SPG7: variants seen among roughly 807,000 people sequenced by gnomAD.
The protein encoded by SPG7 is SPG7 matrix AAA peptidase subunit, paraplegin.
Under a neutral mutation model 81.9 loss-of-function variants are expected in SPG7, and 103 were observed. The observed-to-expected ratio is 1.26, with a 90% CI of 1.07 to 1.48. The LOEUF is 1.48. Ranked by LOEUF, SPG7 falls within the 40% of genes most tolerant of loss-of-function variation. The pLI, the probability that SPG7 is intolerant of heterozygous loss-of-function variation, is 0.00. For synonymous variants in SPG7, 534 were observed against 444.2 expected (o/e 1.20, Z -2.54); for missense variants, 1,241 against 1,087.3 (o/e 1.14, Z -1.99).
chr16:89,556,121 G>T (rs939024615), intron 16 of SPG7: 2 of 398,746 alleles, frequency 5.0e-6, no homozygotes, highest in African/African-American at 2.1e-5. Flanking sequence ...TGGTGTGTCT[G>T]CCCCGTGTAT....
chr16:89,526,540 A>G (rs949031468), intron 5 of SPG7, 72 bp downstream of exon 5: 3 of 1,574,002 alleles, frequency 1.9e-6, no homozygotes, highest in African/African-American at 1.4e-5. Flanking sequence ...ACAGATTGCA[A>G]TCAAAAATCT....
In SPG7 at chr16:89,550,392, C is replaced by T. The variant is rs142634582; in HGVS notation, c.1664-102C>T. On this transcript the variant is annotated intron_variant, in intron 12 of 16. Coordinates refer to ENST00000645818, the MANE Select transcript of SPG7 (RefSeq NM_003119.4). ...TTCACCATATTGGTCGGGCTGGTCT[C>T]GAACTCCTGTCCTCAGGTCATCCGC... The T allele has an allele frequency of 6.3e-3, 5,164 of 818,016 alleles. 195 individuals carry two copies. In the Admixed American group the frequency reaches 0.072, roughly 11 times the overall value. The allele number at this position is 818,016 out of a possible 1,614,324, so 50.7% of individuals were successfully genotyped here. A position where few individuals can be genotyped will look rare whatever the true frequency, so the allele number is the denominator to read the frequency against.
intron 12 of SPG7, chr16:89,549,917 A>G (rs1369526392): frequency 1.1e-5 from 2 of 179,168 alleles, no homozygotes; most frequent in Non-Finnish European, 2.4e-5. Context: ...AGGAGGAGAC[A>G]CTCCTCAGAG....
rs376388546 is a variant in SPG7, at chr16:89,553,908, T to A, written c.2051T>A (p.Met684Lys). ...TTCCCTGAGGCGCAGGAGGGCCTCA[T>A]GGGCATCGGGCGGCGCCCCTTCAGC... Reference protein sequence around the residue: ...ISFPEAQEGLMGIGRRPFSQG... With the variant: ...ISFPEAQEGLKGIGRRPFSQG... The change falls in exon 15 of 17, where the codon ATG (methionine) becomes AAG (lysine). Residue 684 changes from methionine (M) to lysine (K), a missense_variant. Coordinates refer to ENST00000645818, the MANE Select transcript of SPG7 (RefSeq NM_003119.4). 1.1e-5 allele frequency: 18 copies of A among 1,612,850 alleles called. No individual in the cohort carries two copies. The highest frequency in any genetic ancestry group is 1.5e-5 in the Non-Finnish European group (18 of 1,179,944).
intron 9 of SPG7, among the ~76,000 whole-genome samples, chr16:89,534,574 C>T (rs1366229226): frequency 6.6e-6 from 1 of 152,240 alleles, no homozygotes; most frequent in Non-Finnish European, 1.5e-5. Context: ...GAGCCGTTGA[C>T]TTCCTGTTTT....
chr16:89,531,348 C>CTGTT (rs2058340241), intron 7 of SPG7: 1 of 196,820 alleles, frequency 5.1e-6, no homozygotes, highest in African/African-American at 2.3e-5. Context: ...CAGTGAGACC[C>CTGTT]TGTCTCTGCA....
At chr16:89,542,490 C>A (rs569919879) in intron 9 of SPG7, among the ~76,000 whole-genome samples, 67 of 152,326 alleles carry the variant, frequency 4.4e-4, no homozygotes, top group South Asian at 1.2e-3. Flanking sequence ...TGTGATCTCC[C>A]TTGTAGAAAT....
chr16:89,536,493 A>G (rs1257450969), intron 9 of SPG7, among the ~76,000 whole-genome samples: 3 of 43,152 alleles, frequency 7.0e-5, no homozygotes, highest in African/African-American at 2.3e-4. Flanking sequence ...AGGTCAGGTG[A>G]GGCAGGTGAG....
chr16:89,509,146 G>A (rs937009742), intron 1 of SPG7, among the ~76,000 whole-genome samples: 6 of 152,118 alleles, frequency 3.9e-5, no homozygotes, highest in Admixed American at 2.0e-4. Flanking sequence ...GCTAAGGATA[G>A]GATAGCATCT....
rs558260809 is a variant in SPG7, at chr16:89,537,050, CTGAAGGCCTCTTGT to C, written c.1324+4418_1324+4431del. On this transcript the variant is annotated intron_variant, in intron 9 of 16. Coordinates refer to ENST00000645818, the MANE Select transcript of SPG7 (RefSeq NM_003119.4). ...TTGCTCAGGCCTGGGAATCCGCTGA[CTGAAGGCCTCTTGT>C]TGAGTGCCAGCTCTAAACAAGTCCC... is the stretch of plus-strand genomic sequence containing the variant. The C allele has an allele frequency of 3.6e-4, 576 of 1,593,258 alleles. 12 individuals are homozygous for C. In the Admixed American group the frequency reaches 9.3e-3, roughly 26 times the overall value.
chr16:89,535,527 C>T lies in SPG7; in HGVS notation c.1324+2891C>T, dbSNP rs114182478. Among the ~76,000 whole-genome samples, 1,081 of 152,354 alleles carry T rather than the reference C, an allele frequency of 7.1e-3. 10 individuals carry two copies. Among genetic ancestry groups the T allele is most frequent in the African/African-American group, 0.024 (1,013 of 41,580 alleles). On this transcript the variant is annotated intron_variant, in intron 9 of 16. Coordinates refer to ENST00000645818, the MANE Select transcript of SPG7 (RefSeq NM_003119.4). ...GCTTATTCAGGAACTAACGCGTGAG[C>T]AACCGAGACCTGAATGGCTGCCTTC...
chr16:89,509,011 G>A (rs1487615915), intron 1 of SPG7: 1 of 466,170 alleles, frequency 2.1e-6, no homozygotes, highest in Admixed American at 2.3e-5. Context: ...GCCGAGTAGG[G>A]GGCCCAGAAC....
rs146843515 is a variant in SPG7 at position 89,532,821 on chromosome 16, C to T, written c.1324+185C>T. Reference sequence around the variant, plus strand: ...CTTTCAGACCCGGCGCAGTGGCTCACGCCTGTAATCCCAGCACTTTGGGAG... The same window carrying T: ...CTTTCAGACCCGGCGCAGTGGCTCATGCCTGTAATCCCAGCACTTTGGGAG... On this transcript the variant is annotated intron_variant, in intron 9 of 16. Transcript: ENST00000645818. 1,094 of 702,624 alleles carry T rather than the reference C, an allele frequency of 1.6e-3. 12 individuals are homozygous for T. The African/African-American group carries it at 0.017, about 11-fold the overall frequency. The allele number at this position is 702,624 out of a possible 1,614,324, so 43.5% of individuals were successfully genotyped here.
At chr16:89,514,030 C>G (rs991795708) in intron 3 of SPG7, among the ~76,000 whole-genome samples, 4 of 152,074 alleles carry the variant, frequency 2.6e-5, no homozygotes, top group African/African-American at 9.7e-5. Flanking sequence ...CAGCTTTACT[C>G]TGTGAGAGAG....
chr16:89,511,118 A>G (rs7498175), intron 2 of SPG7, among the ~76,000 whole-genome samples: 130 of 152,326 alleles, frequency 8.5e-4, no homozygotes, highest in African/African-American at 3.1e-3. Context: ...GATCACAGGC[A>G]TGAGCCACCG....
intron 3 of SPG7, chr16:89,517,705 C>T (rs1231455666): frequency 1.3e-5 from 2 of 151,572 alleles, no homozygotes; most frequent in African/African-American, 2.4e-5. Flanking sequence ...TTGCAAACTC[C>T]ACCTCGTGGG....
chr16:89,524,924 G>A (rs2058240940), intron 4 of SPG7, among the ~76,000 whole-genome samples: 1 of 151,358 alleles, frequency 6.6e-6, no homozygotes, highest in Non-Finnish European at 1.5e-5. Context: ...GGTTACTCAG[G>A]ATTCAGAATG....
intron 4 of SPG7, 26 bp downstream of exon 4, chr16:89,524,273 G>A (rs1193052030): frequency 6.3e-7 from 1 of 1,596,638 alleles, no homozygotes; most frequent in Non-Finnish European, 8.5e-7. Context: ...GGAGGCCTGT[G>A]AGTGAGGGTG....
rs376360606 is a variant in SPG7, at chr16:89,526,416, G to A, written c.706G>A (p.Glu236Lys). The part of the protein sequence containing the change: ...LRAAEDELNI[E>K]AKDRIPVSYK... ...AGCAGCTGAAGATGAGCTGAATATCGAGGCCAAGGACAGGATCCCAGTTTC... is the reference window on the plus strand; with the variant it reads ...AGCAGCTGAAGATGAGCTGAATATCAAGGCCAAGGACAGGATCCCAGTTTC... Residue 236 changes from glutamate (E) to lysine (K), a missense_variant, in exon 5 of 17, where the codon GAG becomes AAG. Glu to Lys is a moderately conservative substitution (Grantham distance 56). Transcript: ENST00000645818. The A allele has an allele frequency of 1.1e-5, 17 of 1,614,032 alleles. No homozygotes were observed. Among genetic ancestry groups the A allele is most frequent in the Middle Eastern group, 1.6e-4 (1 of 6,084 alleles).
Sources: gnomAD v4.1 joint callset for allele counts (sites outside exome capture counted in the v4.1 genomes callset) on GRCh38, gnomAD v4.1.1 for gene constraint, MANE v1.5 for transcripts, NCBI Gene and HGNC (gene_info 2026-07-23, HGNC 2026-07-21) for gene names.